The following REV3L variants were observed in gnomAD, a reference collection of about 807,000 sequenced individuals.
The protein encoded by REV3L is DNA polymerase zeta catalytic subunit.
Under a neutral mutation model 299.4 loss-of-function variants are expected in REV3L, and 69 were observed. That is an observed-to-expected ratio of 0.23 (90% CI 0.19 to 0.28). REV3L has a LOEUF of 0.28. Among genes scored for constraint, REV3L ranks in the 10% least tolerant of loss-of-function variants. The pLI is 1.00. For missense variants in REV3L, 3,128 were observed against 3,693.8 expected, an observed-to-expected ratio of 0.85 and a Z score of 3.97; for synonymous variants, 1,238 against 1,271.4, an observed-to-expected ratio of 0.97 and a Z score of 0.56.
rs1772424220 is a variant in REV3L, at chr6:111,307,301, C to T, written c.9252+60G>A. On this transcript the variant is annotated intron_variant, in intron 31 of 31. Coordinates refer to ENST00000368802, the MANE Select transcript of REV3L (RefSeq NM_001372078.1). ...ATCTCACACTATAATTCAAGAGTGA[C>T]TATATCTTCCTGTAAGATCAGACTG... is the stretch of plus-strand genomic sequence containing the variant. The T allele has an allele frequency of 1.3e-5, 19 of 1,409,092 alleles. No individual in the cohort carries two copies. In the Admixed American group the frequency reaches 1.8e-4, roughly 14 times the overall value. 87.3% of individuals were successfully genotyped at this position (1,409,092 alleles called of 1,614,324 possible). A position where few individuals can be genotyped will look rare whatever the true frequency, so the allele number is the denominator to read the frequency against.
Position 111,374,241 on chromosome 6 carries a change from T to C in REV3L, c.4114A>G (p.Thr1372Ala), listed in dbSNP as rs137950394. The C allele has an allele frequency of 1.4e-4, 225 of 1,613,604 alleles. No homozygotes were observed. The African/African-American group carries it at 2.8e-3, about 20-fold the overall frequency. The change falls in exon 13 of 32, where the codon ACA becomes GCA. Residue 1372 changes from threonine (T) to alanine (A), a missense_variant. Around this residue, in one of 9 missense-constraint regions of REV3L, gnomAD observed 2,409 missense variants for 2,611.8 expected, o/e 0.92. Coordinates refer to ENST00000368802, the MANE Select transcript of REV3L (RefSeq NM_001372078.1). ...GAGGACATACCAGAAGATATCTGTGTATTCTGTGCTACCTGAGATAAATGA... is the reference window on the plus strand; with the variant it reads ...GAGGACATACCAGAAGATATCTGTGCATTCTGTGCTACCTGAGATAAATGA... ...SNHLSQVAQN[T>A]QISSGMSSKI...
rs201770016 is a variant in REV3L at position 111,452,687 on chromosome 6, G to A, written c.139+30063C>T. 2.6e-5 allele frequency among the ~76,000 whole-genome samples: 4 copies of A among 152,144 alleles called. No individual in the cohort carries two copies. The East Asian group carries it at 7.7e-4, about 29-fold the overall frequency. On this transcript the variant is annotated intron_variant, in intron 1 of 31. Coordinates refer to ENST00000368802, the MANE Select transcript of REV3L (RefSeq NM_001372078.1). Reference sequence around the variant, plus strand: ...AAGGAGCACAAGGGAACTTTTTAGGGTGATAGAAATATTTTATATACCATG... The same window carrying A: ...AAGGAGCACAAGGGAACTTTTTAGGATGATAGAAATATTTTATATACCATG...
intron 1 of REV3L, among the ~76,000 whole-genome samples, chr6:111,445,428 G>GTATTAAATATATTTAGAAATTGGAGTA (rs1788730655): frequency 6.6e-6 from 1 of 152,094 alleles, no homozygotes; most frequent in Non-Finnish European, 1.5e-5. Flanking sequence ...AAAATTAAAA[G>GTATTAAATATATTTAGAAATTGGAGTA]TATTAAATAT....
intron 1 of REV3L, among the ~76,000 whole-genome samples, chr6:111,442,915 C>A (rs1477688353): frequency 1.3e-5 from 2 of 151,750 alleles, no homozygotes; most frequent in African/African-American, 4.8e-5. Flanking sequence ...GTGTGTGTGT[C>A]CTGTTTAGGA....
At chr6:111,355,262 A>G (rs1777973142) in intron 18 of REV3L, among the ~76,000 whole-genome samples, 1 of 152,128 alleles carries the variant, frequency 6.6e-6, no homozygotes, top group South Asian at 2.1e-4. Flanking sequence ...CACAGTTAAC[A>G]TTTATGTACT....
At chr6:111,336,396 C>G (rs1775899715) in intron 21 of REV3L, among the ~76,000 whole-genome samples, 1 of 151,912 alleles carries the variant, frequency 6.6e-6, no homozygotes, top group Non-Finnish European at 1.5e-5. Flanking sequence ...ACAATATAGT[C>G]ACATAATTGT....
intron 1 of REV3L, among the ~76,000 whole-genome samples, chr6:111,447,031 G>C (rs1035065001): frequency 6.6e-6 from 1 of 152,146 alleles, no homozygotes; most frequent in African/African-American, 2.4e-5. Flanking sequence ...ATTAGACTCA[G>C]ATGGTATTTC....
chr6:111,361,953 G>C lies in REV3L; in HGVS notation c.6879+1900C>G, dbSNP rs73532782. Among the ~76,000 whole-genome samples, 804 of 152,286 alleles carry C rather than the reference G, an allele frequency of 5.3e-3. 4 individuals are homozygous for C. Among genetic ancestry groups the C allele is most frequent in the African/African-American group, 0.019 (786 of 41,564 alleles). On this transcript the variant is annotated intron_variant, in intron 16 of 31. Transcript: ENST00000368802. Reference sequence around the variant, plus strand: ...ACCTCCAGAGTGATTTTAACTTCCAGAGGGCCCATGGTTCTGAAACAGGGT... The same window carrying C: ...ACCTCCAGAGTGATTTTAACTTCCACAGGGCCCATGGTTCTGAAACAGGGT...
chr6:111,414,014 A>T lies in REV3L; in HGVS notation c.329+2269T>A, dbSNP rs375594286. Among the ~76,000 whole-genome samples, 45 of 152,276 alleles carry T rather than the reference A, an allele frequency of 3.0e-4. No homozygotes were observed. In the South Asian group the frequency reaches 8.7e-3, roughly 29 times the overall value. On this transcript the variant is annotated intron_variant, in intron 2 of 31. Coordinates refer to ENST00000368802, the MANE Select transcript of REV3L (RefSeq NM_001372078.1). ...GTGTAAACTTTCACCTCATTCATTT[A>T]TCCAACCAAACAGTTATTGAGTCAT... is the stretch of plus-strand genomic sequence containing the variant.
chr6:111,387,748 T>C lies in REV3L; in HGVS notation c.1096+17A>G, dbSNP rs1412628831. On this transcript the variant is annotated intron_variant, in intron 9 of 31. Coordinates refer to ENST00000368802, the MANE Select transcript of REV3L (RefSeq NM_001372078.1). ...TCTGTTCTAGTAGTTTCTGTATACA[T>C]GAAAAGAAAATCTTACCTTTGCTTG... 6.8e-6 allele frequency: 11 copies of C among 1,611,102 alleles called. No homozygotes were observed. Among genetic ancestry groups the C allele is most frequent in the Non-Finnish European group, 9.3e-6 (11 of 1,177,524 alleles).
intron 1 of REV3L, among the ~76,000 whole-genome samples, chr6:111,437,324 G>A (rs1284627625): frequency 6.6e-6 from 1 of 151,924 alleles, no homozygotes; most frequent in African/African-American, 2.4e-5. Flanking sequence ...TGGTCAAAAG[G>A]TGAACACAAC....
intron 1 of REV3L, among the ~76,000 whole-genome samples, chr6:111,461,666 T>C (rs1233069075): frequency 6.6e-6 from 1 of 151,898 alleles, no homozygotes; most frequent in Non-Finnish European, 1.5e-5. Context: ...AGTATAGAAC[T>C]ATAAGGTCCT....
At chr6:111,366,984 G>T in intron 14 of REV3L, 131 bp downstream of exon 14, 1 of 695,960 alleles carries the variant, frequency 1.4e-6, no homozygotes. Flanking sequence ...GACTTTCTAA[G>T]ACATGACGAA....
chr6:111,356,314 G>A (rs1778084499), intron 18 of REV3L, among the ~76,000 whole-genome samples: 1 of 152,076 alleles, frequency 6.6e-6, no homozygotes, highest in Non-Finnish European at 1.5e-5. Context: ...GAGAGTCCAT[G>A]GCTACCAAGA....
At chr6:111,480,597 A>C (rs187866833) in intron 1 of REV3L, among the ~76,000 whole-genome samples, 1 of 152,268 alleles carries the variant, frequency 6.6e-6, no homozygotes, top group East Asian at 1.9e-4. Context: ...AATGTATGCC[A>C]ATGACTTCAA....
intron 4 of REV3L, among the ~76,000 whole-genome samples, chr6:111,399,528 C>T (rs2074874944): frequency 6.6e-6 from 1 of 152,216 alleles, no homozygotes; most frequent in South Asian, 2.1e-4. Flanking sequence ...ACACTGCATT[C>T]AGTTGCCATG....
At position 111,376,732 on chromosome 6, in the gene REV3L, A is replaced by C; in HGVS notation, c.1623T>G (p.Ser541=). The stretch of plus-strand genomic sequence containing the variant: ...TTGCAATTACAGAAGAGTGGGTTCT[A>C]GAATTTTCATTGTTCAATGGATTGT... ...NSDNPLNNEN[S]RTHSSVIATS... The change falls in exon 13 of 32, where the codon TCT becomes TCG. Residue 541 remains serine (S), a synonymous_variant. Coordinates refer to ENST00000368802, the MANE Select transcript of REV3L (RefSeq NM_001372078.1). 1 of 1,592,018 alleles carries C rather than the reference A, an allele frequency of 6.3e-7. No individual in the cohort carries two copies. The highest frequency in any genetic ancestry group is 1.7e-4 in the Middle Eastern group (1 of 5,988).
rs755158721 is a variant in REV3L, at chr6:111,374,459, AAAG to A, written c.3893_3895del (p.Ser1298del). Reference sequence around the variant, plus strand: ...ATCTACAGACTTCTTGCTTTCTAAGAAAGAAGAAAAGCAGCCAGATAACTTCTG... The same window carrying A: ...ATCTACAGACTTCTTGCTTTCTAAGAAAGAAAAGCAGCCAGATAACTTCTG... On this transcript the variant is annotated inframe_deletion, in exon 13 of 32. Coordinates refer to ENST00000368802, the MANE Select transcript of REV3L (RefSeq NM_001372078.1). 2 of 1,614,036 alleles carry A rather than the reference AAAG, an allele frequency of 1.2e-6. No homozygotes were observed. The highest frequency in any genetic ancestry group is 1.7e-6 in the Non-Finnish European group (2 of 1,179,938).
chr6:111,412,103 G>C (rs1784309249), intron 2 of REV3L: 1 of 985,074 alleles, frequency 1.0e-6, no homozygotes, highest in Non-Finnish European at 1.2e-6. Flanking sequence ...AATAAGCAGA[G>C]ACAATGTACC....
Sources: allele counts gnomAD v4.1 joint callset (sites outside exome capture counted in the v4.1 genomes callset), GRCh38; gene constraint gnomAD v4.1.1; regional missense constraint gnomAD v4.1.1; transcripts MANE v1.5; gene names NCBI Gene and HGNC (gene_info 2026-07-23, HGNC 2026-07-21).